SLC9A7: variants seen among roughly 807,000 people sequenced by gnomAD.
The protein encoded by SLC9A7 is sodium/hydrogen exchanger 7.
Under a neutral mutation model 52.6 loss-of-function variants are expected in SLC9A7, and 19 were observed. The ratio of observed to expected loss-of-function variants is 0.36; its 90% CI spans 0.25 to 0.53. SLC9A7 has a LOEUF of 0.53. SLC9A7 is among the 20% of genes least tolerant of loss of function. The probability of loss-of-function intolerance (pLI) is 0.91; values close to 1 mark genes in which losing one functional copy is unlikely to be tolerated. For synonymous variants in SLC9A7, 226 were observed against 252.1 expected (o/e 0.90, Z 0.98); for missense variants, 455 against 597.9 (o/e 0.76, Z 2.49).
chrX:46,671,410 G>A (rs1194291966), intron 4 of SLC9A7, among the ~76,000 whole-genome samples: 2 of 108,553 alleles, frequency 1.8e-5, no homozygotes, highest in East Asian at 3.0e-4. Flanking sequence ...ACAGGCGCCC[G>A]CCACCACTCC....
At chrX:46,664,677 T>A (rs1943887610) in intron 5 of SLC9A7, among the ~76,000 whole-genome samples, 1 of 111,757 alleles carries the variant, frequency 8.9e-6, no homozygotes, top group Non-Finnish European at 1.9e-5. Context: ...TCCCTATAAT[T>A]TAATCACACA....
At chrX:46,638,825 G>GA (rs1005845784) in intron 12 of SLC9A7, among the ~76,000 whole-genome samples, 14 of 108,529 alleles carry the variant, frequency 1.3e-4, no homozygotes, top group African/African-American at 4.7e-4. Context: ...ATCTCTTCCA[G>GA]AAAAAAAAAG....
In SLC9A7 at chrX:46,606,687, T is replaced by G; in HGVS notation, c.*265A>C. ...TAGGAGACCATTAAAGCATGCTATT[T>G]TTTTTTGTTTGTTTAACTCTGAAAC... On this transcript the variant is annotated 3_prime_UTR_variant, in exon 17 of 17. Transcript: ENST00000616978. 1 of 1,035,616 alleles carries G rather than the reference T, an allele frequency of 9.7e-7. No individual in the cohort carries two copies. The highest frequency in any genetic ancestry group is 3.8e-5 in the East Asian group (1 of 26,537). 85.3% of individuals were successfully genotyped at this position (1,035,616 alleles called of 1,213,427 possible).
At chrX:46,687,157 A>G (rs1881071434) in intron 1 of SLC9A7, among the ~76,000 whole-genome samples, 2 of 112,257 alleles carry the variant, frequency 1.8e-5, no homozygotes, top group Admixed American at 1.9e-4. Flanking sequence ...ACAAGTGGAC[A>G]TGGTGAGGTT....
At chrX:46,612,447 T>A (rs1368715002) in intron 16 of SLC9A7, among the ~76,000 whole-genome samples, 1 of 111,346 alleles carries the variant, frequency 9.0e-6, no homozygotes, top group Non-Finnish European at 1.9e-5. Context: ...TACATGTTCT[T>A]TTCATACTGT....
chrX:46,604,567 G>C lies in SLC9A7; in HGVS notation c.*2385C>G, dbSNP rs1245866647. 9.1e-6 allele frequency: 1 copy of C among 110,259 alleles called. No homozygotes were observed. Among genetic ancestry groups the C allele is most frequent in the Non-Finnish European group, 1.9e-5 (1 of 52,854 alleles). 9.1% of individuals were successfully genotyped at this position (110,259 alleles called of 1,213,427 possible). A position where few individuals can be genotyped will look rare whatever the true frequency, so the allele number is the denominator to read the frequency against. ...CCCACCTCAGCCTCCCAAGTAGCTA[G>C]AACTACAGGCATGTGCCATCATGCC... On this transcript the variant is annotated 3_prime_UTR_variant, in exon 17 of 17. Coordinates refer to ENST00000616978, the MANE Select transcript of SLC9A7 (RefSeq NM_001257291.2).
chrX:46,698,866 T>C (rs1485441850), intron 1 of SLC9A7, among the ~76,000 whole-genome samples: 3 of 111,385 alleles, frequency 2.7e-5, no homozygotes, highest in Admixed American at 9.6e-5. Context: ...GGGGGAGAGG[T>C]AGCTACTGAT....
rs1298985116 is a variant in SLC9A7 at position 46,601,993 on chromosome X, G to A, written c.*4959C>T. ...AGTGTGGACTCAGGCATGAGGATAGGTGAAGGAAAAGAAAATCTGACTCCA... is the reference window on the plus strand; with the variant it reads ...AGTGTGGACTCAGGCATGAGGATAGATGAAGGAAAAGAAAATCTGACTCCA... On this transcript the variant is annotated 3_prime_UTR_variant, in exon 17 of 17. Transcript: ENST00000616978. The A allele has an allele frequency of 9.0e-6, 1 of 110,887 alleles. No homozygotes were observed. The highest frequency in any genetic ancestry group is 3.3e-5 in the African/African-American group (1 of 30,461). The allele number at this position is 110,887 out of a possible 1,213,427, so 9.1% of individuals were successfully genotyped here. A position where few individuals can be genotyped will look rare whatever the true frequency, so the allele number is the denominator to read the frequency against.
chrX:46,697,267 A>C (rs1289592668), intron 1 of SLC9A7, among the ~76,000 whole-genome samples: 1 of 112,359 alleles, frequency 8.9e-6, no homozygotes, highest in African/African-American at 3.2e-5. Context: ...ATAGTTAATA[A>C]AATGTGTTGT....
chrX:46,716,094 GAA>G (rs1677097513), intron 1 of SLC9A7, among the ~76,000 whole-genome samples: 1 of 111,055 alleles, frequency 9.0e-6, no homozygotes, highest in African/African-American at 3.3e-5. Flanking sequence ...TCAAGATGTT[GAA>G]GTCTAGAGAT....
intron 1 of SLC9A7, among the ~76,000 whole-genome samples, chrX:46,711,457 G>C (rs1944685869): frequency 9.0e-6 from 1 of 111,675 alleles, no homozygotes; most frequent in Non-Finnish European, 1.9e-5. Context: ...TTAGTGTAAA[G>C]AGAGGAAGTA....
chrX:46,648,252 C>T (rs1943524867), intron 11 of SLC9A7, among the ~76,000 whole-genome samples: 1 of 111,991 alleles, frequency 8.9e-6, no homozygotes, highest in Non-Finnish European at 1.9e-5. Context: ...CTAATTAGTT[C>T]AATTTCATTA....
At chrX:46,664,764 T>G (rs1253336557) in intron 5 of SLC9A7, among the ~76,000 whole-genome samples, 1 of 110,733 alleles carries the variant, frequency 9.0e-6, no homozygotes, top group African/African-American at 3.3e-5. Context: ...TTTCTATATA[T>G]TTTTTGAGAC....
intron 1 of SLC9A7, among the ~76,000 whole-genome samples, chrX:46,757,021 C>G (rs1280834485): frequency 8.9e-6 from 1 of 112,276 alleles, no homozygotes; most frequent in Non-Finnish European, 1.9e-5. Flanking sequence ...CATGTGTTTA[C>G]GAATCTGACA....
intron 1 of SLC9A7, among the ~76,000 whole-genome samples, chrX:46,738,267 G>A (rs1479960058): frequency 8.9e-6 from 1 of 111,741 alleles, no homozygotes; most frequent in Non-Finnish European, 1.9e-5. Context: ...AATGCTTGAT[G>A]TCCATTTGGC....
intron 1 of SLC9A7, among the ~76,000 whole-genome samples, chrX:46,738,607 T>C (rs1212945998): frequency 9.1e-6 from 1 of 110,416 alleles, no homozygotes; most frequent in Non-Finnish European, 1.9e-5. Context: ...TCATCTCTAC[T>C]AAAAATACAA....
chrX:46,758,874 G>A lies in SLC9A7; in HGVS notation c.156C>T (p.Ser52=). 1 of 1,194,420 alleles carries A rather than the reference G, an allele frequency of 8.4e-7. No homozygotes were observed. Among genetic ancestry groups the A allele is most frequent in the Non-Finnish European group, 1.1e-6 (1 of 887,958 alleles). Residue 52 remains serine (S), a synonymous_variant, in exon 1 of 17, where the codon AGC becomes AGT. Coordinates refer to ENST00000616978, the MANE Select transcript of SLC9A7 (RefSeq NM_001257291.2). ...TCTCAGTAGCGAGCTCCTCCATGGC[G>A]CTGCTGTCCTCCGCCGCCGCCCCAG... ...SSSGAAAEDS[S]AMEELATEKE...
chrX:46,691,156 T>G (rs981623286), intron 1 of SLC9A7, among the ~76,000 whole-genome samples: 2 of 102,261 alleles, frequency 2.0e-5, no homozygotes, highest in Admixed American at 2.1e-4. Context: ...TTTTGACAAC[T>G]TTGTCCAATT....
Position 46,606,279 on chromosome X carries a change from A to G in SLC9A7, c.*673T>C. On this transcript the variant is annotated 3_prime_UTR_variant, in exon 17 of 17. Coordinates refer to ENST00000616978, the MANE Select transcript of SLC9A7 (RefSeq NM_001257291.2). ...ATTTGCCTTTGGTTTTAAACATTTC[A>G]TAACTACTTCTTTATGGATATAGCC... The G allele has an allele frequency of 2.7e-6, 2 of 745,877 alleles. No homozygotes were observed. Among genetic ancestry groups the G allele is most frequent in the East Asian group, 1.5e-4 (1 of 6,674 alleles). 61.5% of individuals were successfully genotyped at this position (745,877 alleles called of 1,213,427 possible).
Sources: allele counts gnomAD v4.1 joint callset (sites outside exome capture counted in the v4.1 genomes callset), GRCh38; gene constraint gnomAD v4.1.1; transcripts MANE v1.5; gene names NCBI Gene and HGNC (gene_info 2026-07-23, HGNC 2026-07-21).